JMY: variants seen among roughly 807,000 people sequenced by gnomAD.
JMY encodes junction-mediating and -regulatory protein.
JMY carries 46 observed loss-of-function variants against 103.3 expected under a neutral mutation model. The ratio of observed to expected loss-of-function variants is 0.45; its 90% confidence interval spans 0.35 to 0.57. JMY has a LOEUF of 0.57. Among genes scored for constraint, JMY ranks in the 20% least tolerant of loss-of-function variants. The probability of loss-of-function intolerance (pLI) is 0.00; values close to 1 mark genes in which losing one functional copy is unlikely to be tolerated. For missense variants in JMY, 1,238 were observed against 1,255.2 expected, an observed-to-expected ratio of 0.99 and a Z score of 0.21; for synonymous variants, 526 against 489.3, an observed-to-expected ratio of 1.07 and a Z score of -0.99.
chr5:79,280,416 A>G (rs1487328677), intron 2 of JMY, among the ~76,000 whole-genome samples: 2 of 152,222 alleles, frequency 1.3e-5, no homozygotes, highest in Admixed American at 1.3e-4. Flanking sequence ...CTTAACTGCT[A>G]CATTTTTCCT....
chr5:79,271,120 C>T (rs1745771075), intron 1 of JMY, among the ~76,000 whole-genome samples: 1 of 151,614 alleles, frequency 6.6e-6, no homozygotes, highest in Admixed American at 6.6e-5. Context: ...GGCTGGAGGG[C>T]AGTGGCATGA....
chr5:79,286,204 G>A (rs1746262783), intron 2 of JMY, among the ~76,000 whole-genome samples: 4 of 152,156 alleles, frequency 2.6e-5, no homozygotes. Context: ...TTAAAAGACA[G>A]CATTAAAAAG....
chr5:79,270,543 AAAATG>A (rs1282302375), intron 1 of JMY, among the ~76,000 whole-genome samples: 1 of 129,278 alleles, frequency 7.7e-6, no homozygotes, highest in Non-Finnish European at 1.6e-5. Context: ...ATAAATATTT[AAAATG>A]TATATTTACA....
At chr5:79,272,866 CCT>C (rs1393780048) in intron 1 of JMY, among the ~76,000 whole-genome samples, 2 of 152,152 alleles carry the variant, frequency 1.3e-5, no homozygotes, top group African/African-American at 4.8e-5. Flanking sequence ...AAACTCCCAA[CCT>C]CAAGTGATCC....
chr5:79,268,487 A>C (rs911716035), intron 1 of JMY, among the ~76,000 whole-genome samples: 1 of 151,508 alleles, frequency 6.6e-6, no homozygotes, highest in Non-Finnish European at 1.5e-5. Flanking sequence ...TTTTTTATTT[A>C]TTTATTTATT....
At chr5:79,264,731 A>G (rs1035587343) in intron 1 of JMY, among the ~76,000 whole-genome samples, 1 of 152,168 alleles carries the variant, frequency 6.6e-6, no homozygotes. Flanking sequence ...GCTGAAGATC[A>G]TTCTGTGATT....
intron 5 of JMY, 61 bp from the exon 6 acceptor site, chr5:79,300,615 G>A (rs1291404831): frequency 2.9e-5 from 40 of 1,358,910 alleles, no homozygotes; most frequent in Non-Finnish European, 3.0e-6. Flanking sequence ...TTAGAACCTT[G>A]TTCTTTCCAA....
In JMY at chr5:79,237,055, G is replaced by A. The variant is rs761449893; in HGVS notation, c.405G>A (p.Gly135=). The A allele has an allele frequency of 3.1e-5, 48 of 1,529,636 alleles. No individual in the cohort carries two copies. Among genetic ancestry groups the A allele is most frequent in the Non-Finnish European group, 4.0e-5 (45 of 1,134,238 alleles). 94.8% of individuals were successfully genotyped at this position (1,529,636 alleles called of 1,614,324 possible). The change falls in exon 1 of 11, where the codon GGG becomes GGA. Residue 135 remains glycine, a synonymous_variant. Coordinates refer to ENST00000396137, the MANE Select transcript of JMY (RefSeq NM_152405.5). The part of the protein sequence containing the change: ...DPRLRSPGSK[G]AESRLRSPVR... ...GGCTGCGGAGTCCTGGCAGCAAAGG[G>A]GCGGAGAGTCGTCTTAGGAGCCCAG...
chr5:79,291,050 G>A (rs1227187452), intron 3 of JMY, 80 bp from the exon 4 acceptor site: 8 of 965,248 alleles, frequency 8.3e-6, no homozygotes, highest in Non-Finnish European at 1.0e-5. Flanking sequence ...TTCTCTTTGT[G>A]TGGTCAGTGA....
At chr5:79,252,322 A>G (rs1234620696) in intron 1 of JMY, among the ~76,000 whole-genome samples, 3 of 148,528 alleles carry the variant, frequency 2.0e-5, no homozygotes, top group African/African-American at 5.0e-5. Context: ...GTCAGAGAAA[A>G]TGCTTGATAG....
At chr5:79,294,685 T>A (rs1050728768) in intron 4 of JMY, among the ~76,000 whole-genome samples, 2 of 151,984 alleles carry the variant, frequency 1.3e-5, no homozygotes, top group Non-Finnish European at 2.9e-5. Flanking sequence ...GACGAAATTC[T>A]GTCTCCACTA....
chr5:79,308,046 A>T (rs1249450980), intron 7 of JMY, among the ~76,000 whole-genome samples: 4 of 152,084 alleles, frequency 2.6e-5, no homozygotes, highest in Non-Finnish European at 5.9e-5. Flanking sequence ...CTTTTTGCTC[A>T]TTTTTTAAAT....
At chr5:79,250,414 A>G (rs1173400443) in intron 1 of JMY, among the ~76,000 whole-genome samples, 1 of 152,090 alleles carries the variant, frequency 6.6e-6, no homozygotes, top group African/African-American at 2.4e-5. Context: ...TTTCTTGTCA[A>G]TTTTATTGAT....
Position 79,245,569 on chromosome 5 carries a change from A to G in JMY, c.1032+7887A>G, listed in dbSNP as rs528591399. ...AGTGAGGTAAGTATGGCCTCTTTTT[A>G]AAGGACCCACAGCAGTTGATAGGCA... On this transcript the variant is annotated intron_variant, in intron 1 of 10. Transcript: ENST00000396137. Among the ~76,000 whole-genome samples the G allele has an allele frequency of 2.1e-3, 313 of 152,106 alleles. 1 individual carries two copies. The highest frequency in any genetic ancestry group is 5.2e-3 in the Admixed American group (79 of 15,258).
Position 79,314,299 on chromosome 5 carries a change from C to T in JMY, c.2107C>T (p.Leu703=), listed in dbSNP as rs1483778677. Residue 703 remains leucine (L), a synonymous_variant, in exon 9 of 11, where the codon CTA becomes TTA. Coordinates refer to ENST00000396137, the MANE Select transcript of JMY (RefSeq NM_152405.5). The part of the protein sequence containing the change: ...QVILKSTRLR[L]AHARRKGAAS... Reference sequence around the variant, plus strand: ...CATACTTAAATCAACCAGATTACGACTAGCTCATGCAAGAAGAAAAGGTGC... The same window carrying T: ...CATACTTAAATCAACCAGATTACGATTAGCTCATGCAAGAAGAAAAGGTGC... The T allele has an allele frequency of 6.2e-7, 1 of 1,613,900 alleles. No individual in the cohort carries two copies. Among genetic ancestry groups the T allele is most frequent in the Non-Finnish European group, 8.5e-7 (1 of 1,179,942 alleles).
chr5:79,276,307 T>C (rs1336273198), intron 1 of JMY, among the ~76,000 whole-genome samples: 1 of 151,856 alleles, frequency 6.6e-6, no homozygotes, highest in African/African-American at 2.4e-5. Flanking sequence ...TTAGTAGAGG[T>C]GGGGTTTCAC....
At chr5:79,316,378 G>T in intron 10 of JMY, 68 bp downstream of exon 10, 2 of 1,278,490 alleles carry the variant, frequency 1.6e-6, no homozygotes, top group Non-Finnish European at 2.1e-6. Context: ...TGAGGTTTGG[G>T]GTATTTTTTA....
rs1370757520 is a variant in JMY, at chr5:79,306,413, G to A, written c.1920G>A (p.Gln640=). 16 of 1,613,346 alleles carry A rather than the reference G, an allele frequency of 9.9e-6. No individual in the cohort carries two copies. The highest frequency in any genetic ancestry group is 1.4e-5 in the Non-Finnish European group (16 of 1,179,416). The change falls in exon 7 of 11, where the codon CAG becomes CAA. Residue 640 remains glutamine, a synonymous_variant. Coordinates refer to ENST00000396137, the MANE Select transcript of JMY (RefSeq NM_152405.5). ...CIAKHNEKIQ[Q]RTRIEDEYRT... The stretch of plus-strand genomic sequence containing the variant: ...CAAAACACAATGAAAAAATCCAACA[G>A]CGCACTCGGATTGAAGATGAATATA...
chr5:79,275,793 CTT>C, intron 1 of JMY, among the ~76,000 whole-genome samples: 1 of 152,254 alleles, frequency 6.6e-6, no homozygotes, highest in African/African-American at 2.4e-5. Context: ...TTGTTTGGCA[CTT>C]TTTTTGTTAT....
Sources: allele counts gnomAD v4.1 joint callset (sites outside exome capture counted in the v4.1 genomes callset), GRCh38; gene constraint gnomAD v4.1.1; transcripts MANE v1.5; gene names NCBI Gene and HGNC (gene_info 2026-07-23, HGNC 2026-07-21).